The following SUFU variants were observed in gnomAD, a reference collection of about 807,000 sequenced individuals.
SUFU encodes suppressor of fused homolog.
A neutral mutation model predicts 58.9 loss-of-function variants in SUFU; 7 were observed. The observed-to-expected ratio is 0.12, with a 90% CI of 0.07 to 0.22. The LOEUF (loss-of-function observed/expected upper bound fraction) is 0.22. Among genes scored for constraint, SUFU ranks in the 10% least tolerant of loss-of-function variants. The probability of loss-of-function intolerance (pLI) is 1.00; values close to 1 mark genes in which losing one functional copy is unlikely to be tolerated. For missense variants in SUFU, 451 were observed against 641.3 expected (o/e 0.70, Z 3.20); for synonymous variants, 232 against 254.8 (o/e 0.91, Z 0.85).
At chr10:102,585,570 G>A (rs150861808) in intron 3 of SUFU, among the ~76,000 whole-genome samples, 9 of 152,132 alleles carry the variant, frequency 5.9e-5, no homozygotes, top group East Asian at 1.9e-4. Context: ...ACTATGGTGC[G>A]ACCAAAGCTC....
rs370544916 is a variant in SUFU, at chr10:102,597,120, C to T, written c.757-20C>T. 40 of 1,613,882 alleles carry T rather than the reference C, an allele frequency of 2.5e-5. No homozygotes were observed. In the African/African-American group the frequency reaches 4.8e-4, roughly 19 times the overall value. ...CCAGTTCTCTGAAAGAACTCTGGCT[C>T]TTTGGTTCTTTTCAAGCAGGAGAGA... On this transcript the variant is annotated intron_variant, in intron 6 of 11. Transcript: ENST00000369902.
At chr10:102,588,777 G>T (rs1237884706) in intron 3 of SUFU, among the ~76,000 whole-genome samples, 1 of 152,100 alleles carries the variant, frequency 6.6e-6, no homozygotes, top group Non-Finnish European at 1.5e-5. Context: ...GTTTATGTAG[G>T]TCTTCTCGAA....
chr10:102,632,875 C>T lies in SUFU; in HGVS notation c.*2720C>T, dbSNP rs41287468. Reference sequence around the variant, plus strand: ...GGCTGCAGGAGGACTGCAGACTCAGCTGCAATTCTGAGGGGGGTTTGGGAG... The same window carrying T: ...GGCTGCAGGAGGACTGCAGACTCAGTTGCAATTCTGAGGGGGGTTTGGGAG... On this transcript the variant is annotated 3_prime_UTR_variant, in exon 12 of 12. Transcript: ENST00000369902. 4.3e-3 allele frequency: 1,001 copies of T among 233,546 alleles called. 6 individuals are homozygous for T. Among genetic ancestry groups the T allele is most frequent in the Non-Finnish European group, 6.4e-3 (758 of 118,272 alleles). The allele number at this position is 233,546 out of a possible 1,614,324, so 14.5% of individuals were successfully genotyped here. A position where few individuals can be genotyped will look rare whatever the true frequency, so the allele number is the denominator to read the frequency against.
chr10:102,517,940 C>G (rs921803649), intron 2 of SUFU, among the ~76,000 whole-genome samples: 3 of 152,070 alleles, frequency 2.0e-5, no homozygotes, highest in African/African-American at 7.2e-5. Context: ...TGACCGAGCG[C>G]CTGCCCTTAA....
intron 3 of SUFU, among the ~76,000 whole-genome samples, chr10:102,558,364 C>T (rs1327696655): frequency 6.6e-6 from 1 of 152,156 alleles, no homozygotes; most frequent in African/African-American, 2.4e-5. Flanking sequence ...GTGCACACCA[C>T]CACCCTCAGC....
At chr10:102,618,945 T>C (rs2063715394) in intron 10 of SUFU, 1 of 686,922 alleles carries the variant, frequency 1.5e-6, no homozygotes, top group South Asian at 1.7e-5. Context: ...TGTGTGTGTG[T>C]GTGTGTGTGT....
At chr10:102,535,368 C>T (rs1372107020) in intron 2 of SUFU, among the ~76,000 whole-genome samples, 1 of 152,092 alleles carries the variant, frequency 6.6e-6, no homozygotes, top group Non-Finnish European at 1.5e-5. Flanking sequence ...CGCCTGTAGT[C>T]CCAGCTACTC....
chr10:102,574,577 C>T (rs2063194838), intron 3 of SUFU, among the ~76,000 whole-genome samples: 1 of 152,110 alleles, frequency 6.6e-6, no homozygotes, highest in Non-Finnish European at 1.5e-5. Flanking sequence ...TGTGCCACTA[C>T]ACTCTAGCCT....
intron 3 of SUFU, among the ~76,000 whole-genome samples, chr10:102,565,608 G>A (rs564341266): frequency 3.9e-5 from 6 of 152,276 alleles, no homozygotes; most frequent in Middle Eastern, 6.8e-3. Flanking sequence ...GCAGTGGCGC[G>A]ATCTCGGCTC....
In SUFU at chr10:102,632,864, T is replaced by A. The variant is rs1208110837; in HGVS notation, c.*2709T>A. 4.3e-6 allele frequency: 1 copy of A among 233,438 alleles called. No homozygotes were observed. The highest frequency in any genetic ancestry group is 8.5e-6 in the Non-Finnish European group (1 of 118,256). 14.5% of individuals were successfully genotyped at this position (233,438 alleles called of 1,614,324 possible). On this transcript the variant is annotated 3_prime_UTR_variant, in exon 12 of 12. Transcript: ENST00000369902. ...GGCTCAGTGTGGGCTGCAGGAGGAC[T>A]GCAGACTCAGCTGCAATTCTGAGGG...
chr10:102,522,325 G>A (rs1186292730), intron 2 of SUFU, among the ~76,000 whole-genome samples: 2 of 152,192 alleles, frequency 1.3e-5, no homozygotes, highest in Admixed American at 6.5e-5. Flanking sequence ...ACAAATGGTG[G>A]TAGCTGTCCT....
At chr10:102,527,775 C>T (rs879850773) in intron 2 of SUFU, among the ~76,000 whole-genome samples, 4 of 152,152 alleles carry the variant, frequency 2.6e-5, no homozygotes, top group Non-Finnish European at 4.4e-5. Context: ...AGATTTGTTT[C>T]TTCCCATTGC....
At chr10:102,562,622 G>A (rs912112899) in intron 3 of SUFU, among the ~76,000 whole-genome samples, 3 of 152,172 alleles carry the variant, frequency 2.0e-5, no homozygotes, top group African/African-American at 4.8e-5. Context: ...TGGCTGTGGT[G>A]GCTCACACCT....
intron 8 of SUFU, among the ~76,000 whole-genome samples, chr10:102,612,197 G>GTA (rs1252978470): frequency 8.5e-6 from 1 of 117,272 alleles, no homozygotes; most frequent in Non-Finnish European, 1.8e-5. Context: ...GTGTGTGTGT[G>GTA]TGTGTGTGTG....
At chr10:102,581,744 T>G (rs2063282631) in intron 3 of SUFU, among the ~76,000 whole-genome samples, 1 of 152,196 alleles carries the variant, frequency 6.6e-6, no homozygotes, top group Non-Finnish European at 1.5e-5. Context: ...GTCTGGCACA[T>G]CTGACATTTT....
chr10:102,594,125 C>A (rs1182078641), intron 6 of SUFU, 60 bp downstream of exon 6: 1 of 1,535,610 alleles, frequency 6.5e-7, no homozygotes, highest in East Asian at 2.3e-5. Flanking sequence ...TTCCAAATAA[C>A]ACTGGCTTTC....
At chr10:102,555,550 G>T (rs1385249056) in intron 3 of SUFU, among the ~76,000 whole-genome samples, 2 of 152,108 alleles carry the variant, frequency 1.3e-5, no homozygotes, top group African/African-American at 4.8e-5. Flanking sequence ...TGGCTCCTTG[G>T]TTTTTTGTAG....
chr10:102,601,590 G>T (rs373004785), intron 8 of SUFU, among the ~76,000 whole-genome samples: 3 of 152,338 alleles, frequency 2.0e-5, no homozygotes, highest in Non-Finnish European at 1.5e-5. Context: ...TTACCAATTT[G>T]TTAGCAATTG....
At chr10:102,611,023 C>A (rs1469540626) in intron 8 of SUFU, among the ~76,000 whole-genome samples, 2 of 152,238 alleles carry the variant, frequency 1.3e-5, no homozygotes, top group Non-Finnish European at 2.9e-5. Context: ...CATAGTCCCT[C>A]TGTGATCTGC....
Sources: allele counts gnomAD v4.1 joint callset (sites outside exome capture counted in the v4.1 genomes callset), GRCh38; gene constraint gnomAD v4.1.1; transcripts MANE v1.5; gene names NCBI Gene and HGNC (gene_info 2026-07-23, HGNC 2026-07-21).